The following HSD17B4 variants were observed in gnomAD, a reference collection of about 807,000 sequenced individuals.
The protein encoded by HSD17B4 is peroxisomal multifunctional enzyme type 2.
HSD17B4 carries 70 observed loss-of-function variants against 101.0 expected under a neutral mutation model. The ratio of observed to expected loss-of-function variants is 0.69; its 90% CI spans 0.57 to 0.85. The LOEUF (loss-of-function observed/expected upper bound fraction) is 0.85, where lower values mean the gene tolerates loss of function less well. HSD17B4 is among the 40% of genes least tolerant of loss of function. HSD17B4 has a pLI of 0.00. For missense variants in HSD17B4, 984 were observed against 892.4 expected, an observed-to-expected ratio of 1.10 and a Z score of -1.31; for synonymous variants, 347 against 297.1, an observed-to-expected ratio of 1.17 and a Z score of -1.73.
At chr5:119,460,410 G>A (rs535591886) in intron 2 of HSD17B4, among the ~76,000 whole-genome samples, 4 of 152,240 alleles carry the variant, frequency 2.6e-5, no homozygotes, top group East Asian at 1.9e-4. Context: ...TAAATGAGCC[G>A]TACATGAAAT....
rs894108093 is a variant in HSD17B4, at chr5:119,528,590, T to G, written c.1768-1304T>G. On this transcript the variant is annotated intron_variant, in intron 20 of 23. Coordinates refer to ENST00000510025, the MANE Select transcript of HSD17B4 (RefSeq NM_000414.4). ...TTTGGAGCCCTCACATTTTCTAATT[T>G]GTTTTGTATGAGTAAGTTTTGCTTT... 3.9e-5 allele frequency among the ~76,000 whole-genome samples: 6 copies of G among 152,230 alleles called. No individual in the cohort carries two copies. In the East Asian group the frequency reaches 5.8e-4, roughly 15 times the overall value.
chr5:119,470,003 G>GA (rs1756197612), intron 2 of HSD17B4, among the ~76,000 whole-genome samples: 1 of 152,120 alleles, frequency 6.6e-6, no homozygotes, highest in Non-Finnish European at 1.5e-5. Context: ...ATGGGAGGGG[G>GA]AAGGGTTGCT....
intron 19 of HSD17B4, among the ~76,000 whole-genome samples, chr5:119,526,341 GT>G (rs1173606850): frequency 1.3e-5 from 2 of 150,992 alleles, no homozygotes; most frequent in Non-Finnish European, 3.0e-5. Context: ...TTTTTTAACT[GT>G]TTTATCATTT....
chr5:119,469,067 GT>G (rs571007500), intron 2 of HSD17B4, among the ~76,000 whole-genome samples: 36 of 147,732 alleles, frequency 2.4e-4, no homozygotes, highest in African/African-American at 8.2e-4. Context: ...CTTAAGCTCT[GT>G]TTTTTTTAAT....
At chr5:119,529,869 C>T in intron 20 of HSD17B4, 25 bp from the exon 21 acceptor site, 4 of 1,252,754 alleles carry the variant, frequency 3.2e-6, no homozygotes, top group Middle Eastern at 1.9e-4. Flanking sequence ...CAGAATAAAT[C>T]TTTTTTTTTT....
intron 14 of HSD17B4, among the ~76,000 whole-genome samples, chr5:119,502,537 TAA>T (rs1289958892): frequency 1.4e-5 from 2 of 142,472 alleles, no homozygotes; most frequent in Non-Finnish European, 3.1e-5. Flanking sequence ...AACAAGTCTT[TAA>T]TAATCATTTT....
At chr5:119,456,292 C>G in intron 1 of HSD17B4, 23 bp from the exon 2 acceptor site, 1 of 1,579,278 alleles carries the variant, frequency 6.3e-7, no homozygotes. Flanking sequence ...CTTCAACTTT[C>G]TGATTATTTT....
intron 1 of HSD17B4, among the ~76,000 whole-genome samples, chr5:119,456,037 C>G (rs1754604060): frequency 6.6e-6 from 1 of 152,146 alleles, no homozygotes; most frequent in African/African-American, 2.4e-5. Flanking sequence ...TATGCAGATG[C>G]ATCAGATGGT....
chr5:119,503,293 G>A (rs751059965), intron 14 of HSD17B4, among the ~76,000 whole-genome samples: 13 of 152,042 alleles, frequency 8.6e-5, no homozygotes, highest in Admixed American at 2.0e-4. Flanking sequence ...CGAAAAGAGA[G>A]ATTAGATGTA....
In HSD17B4 at chr5:119,499,558, G is replaced by A. The variant is rs749753383; in HGVS notation, c.1209+5G>A. 6.5e-7 allele frequency: 1 copy of A among 1,549,962 alleles called. No individual in the cohort carries two copies. Among genetic ancestry groups the A allele is most frequent in the Non-Finnish European group, 8.9e-7 (1 of 1,121,868 alleles). ...CTTTCAATCAACTTTGCAAAGGTAT[G>A]CCTAATAAAAAACCTTTATTTTGCT... On this transcript the variant is annotated splice_donor_5th_base_variant and intron_variant, in intron 13 of 23. Coordinates refer to ENST00000510025, the MANE Select transcript of HSD17B4 (RefSeq NM_000414.4).
intron 14 of HSD17B4, among the ~76,000 whole-genome samples, chr5:119,504,977 G>T (rs574743422): frequency 6.6e-6 from 1 of 152,168 alleles, no homozygotes. Flanking sequence ...TGGCTAGCCA[G>T]TTATCTCAGC....
In HSD17B4 at chr5:119,492,080, T is replaced by C; in HGVS notation, c.715-20T>C. 6.2e-7 allele frequency: 1 copy of C among 1,600,952 alleles called. No homozygotes were observed. The highest frequency in any genetic ancestry group is 2.2e-5 in the East Asian group (1 of 44,756). ...GATTTCACATTAGATGGTATAATGT[T>C]TTCCCCCTCTTTTTGGTAGGTTGGA... is the stretch of plus-strand genomic sequence containing the variant. On this transcript the variant is annotated intron_variant, in intron 9 of 23. Coordinates refer to ENST00000510025, the MANE Select transcript of HSD17B4 (RefSeq NM_000414.4).
chr5:119,534,742 C>T (rs1309665704), intron 22 of HSD17B4, among the ~76,000 whole-genome samples: 1 of 152,032 alleles, frequency 6.6e-6, no homozygotes, highest in East Asian at 1.9e-4. Context: ...AATATGCTCT[C>T]CAGTTAGGAA....
At chr5:119,537,946 A>G (rs1314749037) in intron 23 of HSD17B4, among the ~76,000 whole-genome samples, 1 of 152,150 alleles carries the variant, frequency 6.6e-6, no homozygotes, top group Non-Finnish European at 1.5e-5. Flanking sequence ...GAAATGCCTG[A>G]CAGAGATTTG....
chr5:119,531,520 T>G lies in HSD17B4; in HGVS notation c.1993+116T>G, dbSNP rs1023968277. On this transcript the variant is annotated intron_variant, in intron 22 of 23. Transcript: ENST00000510025. ...AAATCTTACCTTTTTAGGTAAGTTT[T>G]TTTTCTTTTCCCGTGGGAATGAATA... The G allele has an allele frequency of 3.3e-5, 34 of 1,038,888 alleles. No individual in the cohort carries two copies. The African/African-American group carries it at 5.1e-4, about 16-fold the overall frequency. 64.4% of individuals were successfully genotyped at this position (1,038,888 alleles called of 1,614,324 possible).
rs1751713255 is a variant in HSD17B4 at position 119,507,017 on chromosome 5, A to T, written c.1333+128A>T. The T allele has an allele frequency of 7.0e-6, 4 of 572,946 alleles. No individual in the cohort carries two copies. In the Admixed American group the frequency reaches 1.2e-4, roughly 17 times the overall value. The allele number at this position is 572,946 out of a possible 1,614,324, so 35.5% of individuals were successfully genotyped here. On this transcript the variant is annotated intron_variant, in intron 15 of 23. Coordinates refer to ENST00000510025, the MANE Select transcript of HSD17B4 (RefSeq NM_000414.4). The stretch of plus-strand genomic sequence containing the variant: ...TTCCAATTTGTTAGAAAACAAGATA[A>T]GCATTTTTAAACTCTTTAAGAAAAA...
At chr5:119,497,107 A>T (rs369441522) in intron 12 of HSD17B4, among the ~76,000 whole-genome samples, 9 of 152,212 alleles carry the variant, frequency 5.9e-5, no homozygotes, top group African/African-American at 2.2e-4. Context: ...GAGGTAACCC[A>T]CTCAGCTTCT....
intron 13 of HSD17B4, among the ~76,000 whole-genome samples, chr5:119,500,461 T>C (rs1561464494): frequency 1.3e-5 from 2 of 152,156 alleles, no homozygotes; most frequent in Non-Finnish European, 2.9e-5. Flanking sequence ...AATTTATACA[T>C]ACACATTTAT....
chr5:119,523,381 CAAG>C (rs1359457443), intron 17 of HSD17B4, among the ~76,000 whole-genome samples: 1 of 151,934 alleles, frequency 6.6e-6, no homozygotes, highest in Non-Finnish European at 1.5e-5. Flanking sequence ...TGAAACGAAA[CAAG>C]AAACTTTTAG....
Sources: gnomAD v4.1 joint callset for allele counts (sites outside exome capture counted in the v4.1 genomes callset) on GRCh38, gnomAD v4.1.1 for gene constraint, MANE v1.5 for transcripts, NCBI Gene and HGNC (gene_info 2026-07-23, HGNC 2026-07-21) for gene names.